The following PKHD1 variants were observed in gnomAD, a reference collection of about 807,000 sequenced individuals.
PKHD1 encodes PKHD1 ciliary IPT domain containing fibrocystin/polyductin.
PKHD1 carries 291 observed loss-of-function variants against 412.0 expected under a neutral mutation model. That is an observed-to-expected ratio of 0.71 (90% confidence interval 0.64 to 0.78). The LOEUF is 0.78. Ranked by LOEUF, PKHD1 falls within the 30% of genes least tolerant of loss-of-function variation. The probability of loss-of-function intolerance (pLI) is 0.00; values close to 1 mark genes in which losing one functional copy is unlikely to be tolerated. For synonymous variants in PKHD1, 1,777 were observed against 1,821.5 expected (o/e 0.98, Z 0.62); for missense variants, 4,825 against 4,950.7 (o/e 0.97, Z 0.76).
intron 52 of PKHD1, among the ~76,000 whole-genome samples, chr6:51,797,373 T>C (rs1264823907): frequency 6.6e-6 from 1 of 152,184 alleles, no homozygotes. Context: ...TGTGTCTAAA[T>C]TATCTGTCTA....
intron 35 of PKHD1, among the ~76,000 whole-genome samples, chr6:52,000,124 A>T (rs1798180287): frequency 6.6e-6 from 1 of 152,238 alleles, no homozygotes; most frequent in Non-Finnish European, 1.5e-5. Context: ...ACATATTGAC[A>T]TATCACAGTT....
At chr6:52,014,800 G>GGATA (rs1358127114) in intron 34 of PKHD1, among the ~76,000 whole-genome samples, 8 of 150,870 alleles carry the variant, frequency 5.3e-5, no homozygotes, top group Middle Eastern at 3.4e-3. Context: ...ATGGATGGAT[G>GGATA]GATGGATGGA....
intron 52 of PKHD1, among the ~76,000 whole-genome samples, chr6:51,796,268 T>C (rs545006459): frequency 6.6e-6 from 1 of 152,248 alleles, no homozygotes; most frequent in African/African-American, 2.4e-5. Flanking sequence ...TATCCATTTC[T>C]CCCAAATTTT....
chr6:52,003,572 C>T (rs1359309446), intron 35 of PKHD1, among the ~76,000 whole-genome samples: 1 of 152,148 alleles, frequency 6.6e-6, no homozygotes, highest in Non-Finnish European at 1.5e-5. Flanking sequence ...GTCCTGTGGC[C>T]TCAAATGTCA....
At chr6:51,930,709 G>T (rs1382349987) in intron 37 of PKHD1, among the ~76,000 whole-genome samples, 1 of 152,242 alleles carries the variant, frequency 6.6e-6, no homozygotes, top group Non-Finnish European at 1.5e-5. Flanking sequence ...GGAACCAAAT[G>T]TCTGCCAAGG....
chr6:51,722,177 T>A (rs1782008790), intron 60 of PKHD1, among the ~76,000 whole-genome samples: 1 of 152,162 alleles, frequency 6.6e-6, no homozygotes, highest in Non-Finnish European at 1.5e-5. Flanking sequence ...CCGCCCTCAG[T>A]GTGGAGGGTC....
intron 1 of PKHD1, among the ~76,000 whole-genome samples, chr6:52,085,683 G>C (rs552112176): frequency 6.6e-6 from 1 of 152,108 alleles, no homozygotes; most frequent in Non-Finnish European, 1.5e-5. Context: ...TCTTCCAGAC[G>C]GCACGTTCCT....
At chr6:51,666,252 A>T (rs1017152890) in intron 60 of PKHD1, among the ~76,000 whole-genome samples, 2 of 152,214 alleles carry the variant, frequency 1.3e-5, no homozygotes, top group African/African-American at 4.8e-5. Flanking sequence ...CAACACAATT[A>T]TGTTTTAAAA....
intron 37 of PKHD1, among the ~76,000 whole-genome samples, chr6:51,924,233 T>C (rs1207167593): frequency 1.3e-5 from 2 of 152,218 alleles, no homozygotes; most frequent in Non-Finnish European, 2.9e-5. Flanking sequence ...CTTCTGCCTA[T>C]GTAGCTTTCC....
At chr6:51,677,366 G>A (rs967904730) in intron 60 of PKHD1, among the ~76,000 whole-genome samples, 17 of 152,078 alleles carry the variant, frequency 1.1e-4, no homozygotes, top group Non-Finnish European at 2.5e-4. Flanking sequence ...GGCTTTCAAT[G>A]CTCGGGAGCC....
At position 51,847,951 on chromosome 6, in the gene PKHD1, T is replaced by C. The variant is rs1186844565; in HGVS notation, c.7931A>G (p.Asn2644Ser). The change falls in exon 50 of 67, where the codon AAC (asparagine) becomes AGC (serine). Residue 2644 changes from asparagine to serine, a missense_variant. Transcript: ENST00000371117. Reference sequence around the variant, plus strand: ...CAGTAGGTAATTACCAGGAGCAAAGTTGTCAAAGGTTGCTGAGTACTTGAA... The same window carrying C: ...CAGTAGGTAATTACCAGGAGCAAAGCTGTCAAAGGTTGCTGAGTACTTGAA... ...RSLQYSATFD[N>S]FAPGNYLLLV... 1.9e-6 allele frequency: 3 copies of C among 1,613,550 alleles called. No individual in the cohort carries two copies. The African/African-American group carries it at 4.0e-5, about 22-fold the overall frequency.
intron 35 of PKHD1, among the ~76,000 whole-genome samples, chr6:51,981,305 CTCAAGCTCT>C: frequency 3.0e-5 from 1 of 32,844 alleles, no homozygotes; most frequent in African/African-American, 6.2e-5. Context: ...GGCTCCAAAG[CTCAAGCTCT>C]CCCTCTCCCT....
rs1773072416 is a variant in PKHD1 at position 51,662,764 on chromosome 6, A to G, written c.10157-2795T>C. ...GATTATCATTACAGATTCTGCAGAAAAAAAAGAGAAACTATTACAAACAAA... is the reference window on the plus strand; with the variant it reads ...GATTATCATTACAGATTCTGCAGAAGAAAAAGAGAAACTATTACAAACAAA... On this transcript the variant is annotated intron_variant, in intron 60 of 66. Transcript: ENST00000371117. Among the ~76,000 whole-genome samples the G allele has an allele frequency of 2.6e-5, 4 of 151,994 alleles. No homozygotes were observed. In the South Asian group the frequency reaches 6.2e-4, roughly 24 times the overall value.
intron 45 of PKHD1, 49 bp downstream of exon 45, chr6:51,885,818 T>C (rs757715244): frequency 2.2e-5 from 27 of 1,207,464 alleles, no homozygotes; most frequent in Admixed American, 7.4e-5. Context: ...CAAGTGACAG[T>C]TTTAATTTTA....
chr6:51,776,084 T>G, intron 53 of PKHD1, among the ~76,000 whole-genome samples, 163 bp from the exon 54 acceptor site: 1 of 151,906 alleles, frequency 6.6e-6, no homozygotes, highest in South Asian at 2.1e-4. Context: ...ATAAAAAAGA[T>G]TCAGTAAACT....
intron 16 of PKHD1, among the ~76,000 whole-genome samples, chr6:52,057,770 T>C (rs911064277): frequency 5.9e-5 from 9 of 152,020 alleles, no homozygotes; most frequent in South Asian, 4.1e-4. Flanking sequence ...TGGTTATTTG[T>C]GCACATGTTT....
intron 63 of PKHD1, among the ~76,000 whole-genome samples, chr6:51,640,179 G>A (rs1769156929): frequency 6.6e-6 from 1 of 152,190 alleles, no homozygotes; most frequent in South Asian, 2.1e-4. Context: ...GAAATCATTT[G>A]CTGCAGTTTT....
At chr6:51,770,038 AT>A (rs1789807685) in intron 55 of PKHD1, among the ~76,000 whole-genome samples, 1 of 151,598 alleles carries the variant, frequency 6.6e-6, no homozygotes, top group South Asian at 2.1e-4. Flanking sequence ...ATGGATATAT[AT>A]TTTTTAGGGT....
intron 49 of PKHD1, among the ~76,000 whole-genome samples, chr6:51,851,394 G>C (rs888262688): frequency 2.6e-4 from 40 of 152,168 alleles, no homozygotes; most frequent in Admixed American, 1.3e-4. Context: ...TTTGGTATCA[G>C]AATGATGCTG....
Sources: gnomAD v4.1 joint callset for allele counts (sites outside exome capture counted in the v4.1 genomes callset) on GRCh38, gnomAD v4.1.1 for gene constraint, MANE v1.5 for transcripts, NCBI Gene and HGNC (gene_info 2026-07-23, HGNC 2026-07-21) for gene names.